ZSWIM6: variants seen among roughly 807,000 people sequenced by gnomAD.
The protein encoded by ZSWIM6 is zinc finger SWIM domain-containing protein 6.
Under a neutral mutation model 113.2 loss-of-function variants are expected in ZSWIM6, and 9 were observed. The ratio of observed to expected loss-of-function variants is 0.08; its 90% CI spans 0.05 to 0.14. The LOEUF (loss-of-function observed/expected upper bound fraction) is 0.14. ZSWIM6 is among the 10% of genes least tolerant of loss of function. The pLI is 1.00. For missense variants in ZSWIM6, 1,162 were observed against 1,552.2 expected, an observed-to-expected ratio of 0.75 and a Z score of 4.22; for synonymous variants, 611 against 606.5, an observed-to-expected ratio of 1.01 and a Z score of -0.11.
chr5:61,452,509 G>C (rs972684801), intron 1 of ZSWIM6, among the ~76,000 whole-genome samples: 2 of 152,170 alleles, frequency 1.3e-5, no homozygotes, highest in African/African-American at 4.8e-5. Context: ...TGACCCTGCA[G>C]ATGTTTGTGG....
In ZSWIM6 at chr5:61,541,874, GT is replaced by G. The variant is rs1451311646; in HGVS notation, c.2704-5del. 2 of 1,543,818 alleles carry G rather than the reference GT, an allele frequency of 1.3e-6. No individual in the cohort carries two copies. Among genetic ancestry groups the G allele is most frequent in the Admixed American group, 3.9e-5 (2 of 50,726 alleles). On this transcript the variant is annotated splice_polypyrimidine_tract_variant and intron_variant, in intron 12 of 13. Coordinates refer to ENST00000252744, the MANE Select transcript of ZSWIM6 (RefSeq NM_020928.2). Reference sequence around the variant, plus strand: ...ATTTTCTAAAACATTTTGTTACCCTGTTTTTATAGGTTATGCGAATGACACT... The same window carrying G: ...ATTTTCTAAAACATTTTGTTACCCTGTTTTATAGGTTATGCGAATGACACT...
chr5:61,484,618 T>C lies in ZSWIM6; in HGVS notation c.1034-6168T>C, dbSNP rs191577734. 1.1e-3 allele frequency among the ~76,000 whole-genome samples: 160 copies of C among 152,304 alleles called. 1 individual carries two copies. Among genetic ancestry groups the C allele is most frequent in the African/African-American group, 3.6e-3 (150 of 41,578 alleles). On this transcript the variant is annotated intron_variant, in intron 2 of 13. Coordinates refer to ENST00000252744, the MANE Select transcript of ZSWIM6 (RefSeq NM_020928.2). ...ATATGTGTCTGTAGAATCAAAAAGA[T>C]GGGATGGATTAGGGTCTCTGAATTT...
At chr5:61,492,684 T>G (rs1748213772) in intron 3 of ZSWIM6, among the ~76,000 whole-genome samples, 1 of 152,124 alleles carries the variant, frequency 6.6e-6, no homozygotes, top group African/African-American at 2.4e-5. Flanking sequence ...AACTCCTTTA[T>G]AGGAATACTG....
At chr5:61,493,923 G>A (rs967435682) in intron 3 of ZSWIM6, among the ~76,000 whole-genome samples, 1 of 152,158 alleles carries the variant, frequency 6.6e-6, no homozygotes. Context: ...ACCTTAATCA[G>A]TGTGTAAGAC....
At chr5:61,333,009 G>GGCCCCCCCCCCCC in intron 1 of ZSWIM6, 61 bp downstream of exon 1, 1 of 439,906 alleles carries the variant, frequency 2.3e-6, no homozygotes, top group Non-Finnish European at 3.2e-6. Flanking sequence ...TGGGGGGGGG[G>GGCCCCCCCCCCCC]TGCCCGCCTT....
chr5:61,400,184 A>C (rs1427219235), intron 1 of ZSWIM6, among the ~76,000 whole-genome samples: 1 of 152,154 alleles, frequency 6.6e-6, no homozygotes, highest in Non-Finnish European at 1.5e-5. Flanking sequence ...TTCATAGTGT[A>C]TGCATTCCTT....
Position 61,531,661 on chromosome 5 carries a change from G to A in ZSWIM6, c.2181G>A (p.Gln727=). Residue 727 remains glutamine, a synonymous_variant, in exon 9 of 14, where the codon CAG becomes CAA. Transcript: ENST00000252744. ...AGGAGCAGCTCATTTCTAAGCTTCA[G>A]GAAATTGAATTGGATGACACACTGG... is the stretch of plus-strand genomic sequence containing the variant. ...RNEEQLISKL[Q]EIELDDTLVK... 6.4e-7 allele frequency: 1 copy of A among 1,551,676 alleles called. No individual in the cohort carries two copies. The highest frequency in any genetic ancestry group is 1.2e-5 in the South Asian group (1 of 84,060).
At chr5:61,495,291 C>T (rs1199565484) in intron 4 of ZSWIM6, among the ~76,000 whole-genome samples, 2 of 152,086 alleles carry the variant, frequency 1.3e-5, no homozygotes, top group Admixed American at 1.3e-4. Flanking sequence ...ATGACCATGA[C>T]TGGAAGGGGT....
chr5:61,512,502 A>G (rs1175470362), intron 4 of ZSWIM6, among the ~76,000 whole-genome samples: 2 of 152,158 alleles, frequency 1.3e-5, no homozygotes, highest in African/African-American at 4.8e-5. Context: ...TTGCTGGGTC[A>G]TATGGTCAAA....
chr5:61,408,298 C>G (rs540764757), intron 1 of ZSWIM6, among the ~76,000 whole-genome samples: 1 of 152,102 alleles, frequency 6.6e-6, no homozygotes, highest in African/African-American at 2.4e-5. Flanking sequence ...AACTGAGGGA[C>G]GAAGTTGGAG....
chr5:61,347,690 G>A (rs1035604240), intron 1 of ZSWIM6: 8 of 152,212 alleles, frequency 5.3e-5, no homozygotes, highest in African/African-American at 1.7e-4. Context: ...CAAAGATGTG[G>A]AAGAAATGGA....
intron 1 of ZSWIM6, among the ~76,000 whole-genome samples, chr5:61,376,380 A>G (rs1205962723): frequency 6.6e-6 from 1 of 151,790 alleles, no homozygotes; most frequent in Non-Finnish European, 1.5e-5. Flanking sequence ...AGCTAGCAGA[A>G]TAGTGTGCCT....
At chr5:61,337,006 C>T (rs1744413329) in intron 1 of ZSWIM6, among the ~76,000 whole-genome samples, 1 of 152,054 alleles carries the variant, frequency 6.6e-6, no homozygotes, top group East Asian at 1.9e-4. Context: ...ATAGGCTGGG[C>T]GTGATGGCTC....
At chr5:61,361,852 CAAG>C (rs1234127392) in intron 1 of ZSWIM6, among the ~76,000 whole-genome samples, 12 of 152,198 alleles carry the variant, frequency 7.9e-5, no homozygotes. Context: ...GTGAAATTTG[CAAG>C]AAGATCGTGG....
At chr5:61,383,389 G>A (rs1168029362) in intron 1 of ZSWIM6, among the ~76,000 whole-genome samples, 1 of 152,088 alleles carries the variant, frequency 6.6e-6, no homozygotes, top group African/African-American at 2.4e-5. Context: ...GTGCCTGGCT[G>A]GCTTTCTCTT....
chr5:61,387,986 CTT>C (rs576895905), intron 1 of ZSWIM6, among the ~76,000 whole-genome samples: 14 of 130,676 alleles, frequency 1.1e-4, no homozygotes, highest in Admixed American at 1.6e-4. Flanking sequence ...CTCTCTCTCT[CTT>C]TTTTTTTTTT....
intron 1 of ZSWIM6, among the ~76,000 whole-genome samples, chr5:61,397,435 A>G (rs907956637): frequency 6.6e-6 from 1 of 152,148 alleles, no homozygotes; most frequent in Non-Finnish European, 1.5e-5. Flanking sequence ...CAGGAGAAAA[A>G]TGGCAGTTTG....
chr5:61,414,840 GT>G (rs1415829501), intron 1 of ZSWIM6, among the ~76,000 whole-genome samples: 1 of 152,130 alleles, frequency 6.6e-6, no homozygotes, highest in Non-Finnish European at 1.5e-5. Flanking sequence ...TACTTTTTAG[GT>G]TATTTTTCCT....
At chr5:61,481,659 C>T (rs1747869767) in intron 2 of ZSWIM6, among the ~76,000 whole-genome samples, 3 of 151,850 alleles carry the variant, frequency 2.0e-5, no homozygotes, top group South Asian at 4.1e-4. Flanking sequence ...ACAACTAAAT[C>T]AGAACCAAAT....
Sources: allele counts gnomAD v4.1 joint callset (sites outside exome capture counted in the v4.1 genomes callset), GRCh38; gene constraint gnomAD v4.1.1; transcripts MANE v1.5; gene names NCBI Gene and HGNC (gene_info 2026-07-23, HGNC 2026-07-21).